Variants in FBXO24 observed in about 807,000 individuals in gnomAD.
FBXO24 encodes F-box only protein 24.
Under a neutral mutation model 63.5 loss-of-function variants are expected in FBXO24, and 30 were observed. That is an observed-to-expected ratio of 0.47 (90% CI 0.35 to 0.64). The LOEUF is 0.64. Ranked by LOEUF, FBXO24 falls within the 30% of genes least tolerant of loss-of-function variation. FBXO24 has a pLI of 0.00. For synonymous variants in FBXO24, 300 were observed against 305.0 expected, an observed-to-expected ratio of 0.98 and a Z score of 0.17; for missense variants, 624 against 763.4, an observed-to-expected ratio of 0.82 and a Z score of 2.15.
Position 100,600,327 on chromosome 7 carries a change from C to G in FBXO24, c.1377+126C>G. Reference sequence around the variant, plus strand: ...TCCCATTTCCCTAGCACCACCCCACCTCCCTCCTCTGCCGCACACCACGCT... The same window carrying G: ...TCCCATTTCCCTAGCACCACCCCACGTCCCTCCTCTGCCGCACACCACGCT... On this transcript the variant is annotated intron_variant, in intron 9 of 9. Coordinates refer to ENST00000241071, the MANE Select transcript of FBXO24 (RefSeq NM_033506.3). The surrounding 1 kb of genome is among the most constrained non-coding windows in gnomAD (Gnocchi z 6.3). 1 of 1,358,334 alleles carries G rather than the reference C, an allele frequency of 7.4e-7. No individual in the cohort carries two copies. The highest frequency in any genetic ancestry group is 9.9e-7 in the Non-Finnish European group (1 of 1,014,658). The allele number at this position is 1,358,334 out of a possible 1,614,324, so 84.1% of individuals were successfully genotyped here. A position where few individuals can be genotyped will look rare whatever the true frequency, so the allele number is the denominator to read the frequency against.
intron 1 of FBXO24, among the ~76,000 whole-genome samples, chr7:100,587,773 T>C (rs1042597195): frequency 2.0e-5 from 3 of 151,662 alleles, no homozygotes; most frequent in Non-Finnish European, 4.4e-5. Flanking sequence ...TAATTTATTT[T>C]CAATTTTTGT....
chr7:100,586,910 G>A (rs1411013005), intron 1 of FBXO24, among the ~76,000 whole-genome samples: 2 of 152,042 alleles, frequency 1.3e-5, no homozygotes, highest in Admixed American at 1.3e-4. Flanking sequence ...CCCCCGGGCT[G>A]GGGGCGGGCG....
chr7:100,593,086 G>A (rs562576426), intron 5 of FBXO24, 69 bp downstream of exon 5: 58 of 1,359,764 alleles, frequency 4.3e-5, no homozygotes, highest in Non-Finnish European at 5.1e-5. Context: ...TGCAGAGGAG[G>A]GGGAGGGAGG....
Position 100,586,704 on chromosome 7 carries a change from G to T in FBXO24, c.39+40G>T, listed in dbSNP as rs199502589. 178 of 1,611,978 alleles carry T rather than the reference G, an allele frequency of 1.1e-4. 2 individuals carry two copies. The African/African-American group carries it at 2.0e-3, about 18-fold the overall frequency. Reference sequence around the variant, plus strand: ...TAAGACTGAGGTTAAGAATGAACGCGGAGCCCCTGGCCGGCCGGGAACGCA... The same window carrying T: ...TAAGACTGAGGTTAAGAATGAACGCTGAGCCCCTGGCCGGCCGGGAACGCA... On this transcript the variant is annotated intron_variant, in intron 1 of 9. Coordinates refer to ENST00000241071, the MANE Select transcript of FBXO24 (RefSeq NM_033506.3).
At chr7:100,599,971 A>ACCCCCCCCC in intron 8 of FBXO24, 60 bp from the exon 9 acceptor site, 9 of 1,168,816 alleles carry the variant, frequency 7.7e-6, no homozygotes, top group South Asian at 1.3e-5. Context: ...ACCTTTTCCC[A>ACCCCCCCCC]CCCCAGCCCC....
intron 1 of FBXO24, chr7:100,589,567 A>T: frequency 3.5e-6 from 5 of 1,420,826 alleles, no homozygotes; most frequent in Non-Finnish European, 4.6e-6. Context: ...GAGGTTTGTT[A>T]GCCCCAGACT....
chr7:100,601,070 C>T lies in FBXO24; in HGVS notation c.*171C>T. On this transcript the variant is annotated 3_prime_UTR_variant, in exon 10 of 10. Transcript: ENST00000241071. ...TGCCCAGGAGGGGCCCCCAACCTGACTATCATGGACAAGAGATTTGATGGA... is the reference window on the plus strand; with the variant it reads ...TGCCCAGGAGGGGCCCCCAACCTGATTATCATGGACAAGAGATTTGATGGA... The T allele has an allele frequency of 1.3e-6, 1 of 759,674 alleles. No homozygotes were observed. Among genetic ancestry groups the T allele is most frequent in the Non-Finnish European group, 2.0e-6 (1 of 500,582 alleles). 47.1% of individuals were successfully genotyped at this position (759,674 alleles called of 1,614,324 possible). A position where few individuals can be genotyped will look rare whatever the true frequency, so the allele number is the denominator to read the frequency against.
intron 3 of FBXO24, 125 bp from the exon 4 acceptor site, chr7:100,591,542 G>T (rs1802027723): frequency 6.4e-6 from 5 of 781,170 alleles, no homozygotes; most frequent in African/African-American, 1.7e-5. Flanking sequence ...GGGTCTGTTT[G>T]TTCCCCTGTC....
At chr7:100,598,758 C>T (rs1317053477) in intron 8 of FBXO24, among the ~76,000 whole-genome samples, 1 of 152,166 alleles carries the variant, frequency 6.6e-6, no homozygotes, top group East Asian at 1.9e-4. Context: ...AGGTGGATTG[C>T]CTGAGCCCAG....
rs1388443672 is a variant in FBXO24 at position 100,600,100 on chromosome 7, T to C, written c.1276T>C (p.Ser426Pro). 1 of 1,609,644 alleles carries C rather than the reference T, an allele frequency of 6.2e-7. No homozygotes were observed. The highest frequency in any genetic ancestry group is 1.1e-5 in the South Asian group (1 of 90,082). Residue 426 changes from serine to proline, a missense_variant, in exon 9 of 10, where the codon TCA becomes CCA. This residue lies in a region of FBXO24 where 216 missense variants were observed against 245.2 expected (regional missense o/e 0.88). Coordinates refer to ENST00000241071, the MANE Select transcript of FBXO24 (RefSeq NM_033506.3). This position sits in a 1 kb window ranked among gnomAD's most constrained non-coding sequence, Gnocchi z 6.3. ...CCACTCCCTGGTGCTGAGCCAGAGC[T>C]CAGAGTTCAGCAAGGAGCTGCTGGG... ...LNHSLVLSQSSEFSKELLGCG... is the reference protein window; with the variant it reads ...LNHSLVLSQSPEFSKELLGCG...
In FBXO24 at chr7:100,592,903, T is replaced by G; in HGVS notation, c.679T>G (p.Tyr227Asp). 2 of 1,614,220 alleles carry G rather than the reference T, an allele frequency of 1.2e-6. No homozygotes were observed. The highest frequency in any genetic ancestry group is 1.7e-6 in the Non-Finnish European group (2 of 1,180,052). The change falls in exon 5 of 10, where the codon TAT (tyrosine) becomes GAT (aspartate). Residue 227 changes from tyrosine to aspartate, a missense_variant. Physicochemically the swap from Tyr to Asp is radical, Grantham distance 160. Around this residue, in one of 3 missense-constraint regions of FBXO24, gnomAD observed 391 missense variants for 469.1 expected, o/e 0.83. Transcript: ENST00000241071. ...CCGGGCCTGTGACTGTGTTGAGGTC[T>G]ATCTGCAGTCTAGTGGGCAGCGGGT... ...SSRACDCVEVYLQSSGQRVFK... is the reference protein window; with the variant it reads ...SSRACDCVEVDLQSSGQRVFK...
rs1802521203 is a variant in FBXO24, at chr7:100,600,181, T to C, written c.1357T>C (p.Phe453Leu). The C allele has an allele frequency of 2.5e-6, 4 of 1,571,316 alleles. No individual in the cohort carries two copies. The highest frequency in any genetic ancestry group is 1.9e-5 in the Admixed American group (1 of 52,832). Residue 453 changes from phenylalanine to leucine, a missense_variant, in exon 9 of 10, where the codon TTC becomes CTC. Physicochemically the swap from Phe to Leu is conservative, Grantham distance 22. This residue lies in a region of FBXO24 where 216 missense variants were observed against 245.2 expected (regional missense o/e 0.88). Transcript: ENST00000241071. This position sits in a 1 kb window ranked among gnomAD's most constrained non-coding sequence, Gnocchi z 6.3. ...LPGWPKGSASFVKLQVKVPLC... is the reference protein window; with the variant it reads ...LPGWPKGSASLVKLQVKVPLC... ...AGGCTGGCCCAAGGGGAGTGCCTCCTTCGTCAAGCTCCAAGTCAAGGTCAG... is the reference window on the plus strand; with the variant it reads ...AGGCTGGCCCAAGGGGAGTGCCTCCCTCGTCAAGCTCCAAGTCAAGGTCAG...
At position 100,600,646 on chromosome 7, in the gene FBXO24, TG is replaced by T; in HGVS notation, c.1494del (p.Thr499LeufsTer41). ...PYRHLPASRV[V>X]GTPEPSLGAR... Reference sequence around the variant, plus strand: ...CGCCACCTGCCAGCCAGCAGGGTGGTGGGGACTCCTGAGCCCAGCCTGGGGG... The same window carrying T: ...CGCCACCTGCCAGCCAGCAGGGTGGTGGGACTCCTGAGCCCAGCCTGGGGG... On this transcript the variant is annotated frameshift_variant, in exon 10 of 10. Coordinates refer to ENST00000241071, the MANE Select transcript of FBXO24 (RefSeq NM_033506.3). LOFTEE classifies it high-confidence loss of function. This position sits in a 1 kb window ranked among gnomAD's most constrained non-coding sequence, Gnocchi z 6.3. 1 of 1,613,788 alleles carries T rather than the reference TG, an allele frequency of 6.2e-7. No individual in the cohort carries two copies. Among genetic ancestry groups the T allele is most frequent in the Non-Finnish European group, 8.5e-7 (1 of 1,179,854 alleles).
At chr7:100,588,222 G>C (rs924230178) in intron 1 of FBXO24, among the ~76,000 whole-genome samples, 6 of 152,182 alleles carry the variant, frequency 3.9e-5, no homozygotes, top group Non-Finnish European at 8.8e-5. Flanking sequence ...TTGCCTCCTG[G>C]GGTGAAATGG....
rs144943566 is a variant in FBXO24 at position 100,591,797 on chromosome 7, C to T, written c.453C>T (p.Tyr151=). 1,409 of 1,614,258 alleles carry T rather than the reference C, an allele frequency of 8.7e-4. No homozygotes were observed. The highest frequency in any genetic ancestry group is 1.1e-3 in the Non-Finnish European group (1,340 of 1,180,044). The change falls in exon 4 of 10, where the codon TAC becomes TAT. Residue 151 remains tyrosine (Y), a synonymous_variant. Transcript: ENST00000241071. ...AGGATCACGTCTTCATTCTTGACTA[C>T]GTGGGGACCCTCTTCTTCCTCAAAA... ...PTKDHVFILD[Y]VGTLFFLKNA...
rs749372984 is a variant in FBXO24 at position 100,590,267 on chromosome 7, G to A, written c.232G>A (p.Val78Met). Reference protein sequence around the residue: ...YFHEVCDGEGVWRRICRRLSP... With the variant: ...YFHEVCDGEGMWRRICRRLSP... ...CCACGAAGTGTGCGATGGGGAAGGC[G>A]TGTGGAGACGCATCTGTCGCAGACT... Residue 78 changes from valine (V) to methionine (M), a missense_variant, in exon 3 of 10, where the codon GTG becomes ATG. Val to Met is a conservative substitution (Grantham distance 21). Transcript: ENST00000241071. The A allele has an allele frequency of 6.2e-6, 10 of 1,614,080 alleles. No homozygotes were observed. The highest frequency in any genetic ancestry group is 5.0e-5 in the Admixed American group (3 of 60,000).
At chr7:100,596,337 G>GA (rs1802307703) in intron 8 of FBXO24, among the ~76,000 whole-genome samples, 5 of 152,316 alleles carry the variant, frequency 3.3e-5, no homozygotes, top group South Asian at 4.1e-4. Context: ...CTTAGGTAGG[G>GA]ATAGAGAAGG....
At chr7:100,586,897 GGA>G in intron 1 of FBXO24, 2 of 533,148 alleles carry the variant, frequency 3.8e-6, no homozygotes. Flanking sequence ...AGGGGTCTCG[GGA>G]CCCCCGGGCT....
At position 100,589,791 on chromosome 7, in the gene FBXO24, C is replaced by T. The variant is rs569257071; in HGVS notation, c.40-186C>T. 6.6e-5 allele frequency: 101 copies of T among 1,524,450 alleles called. No individual in the cohort carries two copies. The African/African-American group carries it at 1.1e-3, about 16-fold the overall frequency. The allele number at this position is 1,524,450 out of a possible 1,614,324, so 94.4% of individuals were successfully genotyped here. A position where few individuals can be genotyped will look rare whatever the true frequency, so the allele number is the denominator to read the frequency against. On this transcript the variant is annotated intron_variant, in intron 1 of 9. Transcript: ENST00000241071. Reference sequence around the variant, plus strand: ...GCTGTGTGGACGGGAGGAGGGGCTCCGGGTGAGGGGGATTGGCCGCAGGAG... The same window carrying T: ...GCTGTGTGGACGGGAGGAGGGGCTCTGGGTGAGGGGGATTGGCCGCAGGAG...
Sources: gnomAD v4.1 joint callset for allele counts (sites outside exome capture counted in the v4.1 genomes callset) on GRCh38, gnomAD v4.1.1 for gene constraint, gnomAD v4.1.1 regional missense constraint, Gnocchi (gnomAD v3.1) non-coding constraint, MANE v1.5 for transcripts, NCBI Gene and HGNC (gene_info 2026-07-23, HGNC 2026-07-21) for gene names.